CCNT2: variants seen among roughly 807,000 people sequenced by gnomAD.
The protein encoded by CCNT2 is cyclin-T2.
In CCNT2, 18 loss-of-function variants were observed where a neutral mutation model predicts 70.0. The observed-to-expected ratio is 0.26, with a 90% CI of 0.18 to 0.38. The LOEUF (loss-of-function observed/expected upper bound fraction) is 0.38. CCNT2 is among the 10% of genes least tolerant of loss of function. The pLI is 1.00. For synonymous variants in CCNT2, 334 were observed against 313.3 expected, an observed-to-expected ratio of 1.07 and a Z score of -0.70; for missense variants, 734 against 890.2, an observed-to-expected ratio of 0.82 and a Z score of 2.23.
chr2:134,928,525 G>A (rs1419935107), intron 2 of CCNT2, among the ~76,000 whole-genome samples: 1 of 151,888 alleles, frequency 6.6e-6, no homozygotes, highest in South Asian at 2.1e-4. Flanking sequence ...TGATCCGCCC[G>A]CCTCAGCCTC....
chr2:134,954,431 A>G lies in CCNT2; in HGVS notation c.1976A>G (p.Asn659Ser), dbSNP rs1488140455. 2 of 1,613,606 alleles carry G rather than the reference A, an allele frequency of 1.2e-6. No individual in the cohort carries two copies. Residue 659 changes from asparagine to serine, a missense_variant, in exon 9 of 9, where the codon AAC becomes AGC. Asn to Ser is a conservative substitution (Grantham distance 46, BLOSUM62 1). Transcript: ENST00000264157. ...GTTAAGCAGTATATATCCTCTCACA[A>G]CTCTGTTTTTAACCATCCCTTACCC... The part of the protein sequence containing the change: ...SSVKQYISSH[N>S]SVFNHPLPPP...
At chr2:134,926,572 C>G (rs1345889916) in intron 2 of CCNT2, among the ~76,000 whole-genome samples, 1 of 152,178 alleles carries the variant, frequency 6.6e-6, no homozygotes, top group Non-Finnish European at 1.5e-5. Flanking sequence ...ACTTATTGGA[C>G]TGGCAAAACT....
At chr2:134,920,141 A>G in intron 2 of CCNT2, 1 of 352,288 alleles carries the variant, frequency 2.8e-6, no homozygotes. Flanking sequence ...ATTTCTTTAC[A>G]GAGTTATTAC....
chr2:134,942,360 A>AATCCCGAATCATTT (rs1238081868), intron 4 of CCNT2, among the ~76,000 whole-genome samples: 1 of 152,164 alleles, frequency 6.6e-6, no homozygotes, highest in Non-Finnish European at 1.5e-5. Context: ...TTTTTAAGAT[A>AATCCCGAATCATTT]ATCCCGAATC....
intron 2 of CCNT2, among the ~76,000 whole-genome samples, chr2:134,934,082 T>A (rs1332951777): frequency 6.6e-6 from 1 of 152,256 alleles, no homozygotes; most frequent in East Asian, 1.9e-4. Context: ...AAATATCTAT[T>A]TGTCTCATTT....
At position 134,954,625 on chromosome 2, in the gene CCNT2, A is replaced by G; in HGVS notation, c.2170A>G (p.Ser724Gly). 2 of 1,606,774 alleles carry G rather than the reference A, an allele frequency of 1.2e-6. No homozygotes were observed. Reference sequence around the variant, plus strand: ...ATTCGACATGCTGGACTCACTGTTAAGTGCCCAAGGAATGAACATGTAATA... The same window carrying G: ...ATTCGACATGCTGGACTCACTGTTAGGTGCCCAAGGAATGAACATGTAATA... Reference protein sequence around the residue: ...DTFDMLDSLLSAQGMNM With the variant: ...DTFDMLDSLLGAQGMNM The change falls in exon 9 of 9, where the codon AGT becomes GGT. Residue 724 changes from serine (S) to glycine (G), a missense_variant. Ser to Gly is a moderately conservative substitution (Grantham distance 56). This residue lies in a region of CCNT2 where 532 missense variants were observed against 556.9 expected (regional missense o/e 0.96). Transcript: ENST00000264157.
intron 2 of CCNT2, among the ~76,000 whole-genome samples, chr2:134,920,657 G>A (rs1323073368): frequency 6.6e-6 from 1 of 152,112 alleles, no homozygotes; most frequent in Non-Finnish European, 1.5e-5. Context: ...ATTGCATATT[G>A]TTTAGAAATG....
rs1224480886 is a variant in CCNT2, at chr2:134,957,093, A to G, written c.*2445A>G. On this transcript the variant is annotated 3_prime_UTR_variant, in exon 9 of 9. Coordinates refer to ENST00000264157, the MANE Select transcript of CCNT2 (RefSeq NM_058241.3). ...GCTTCCAAAATAATGATGGGGATAA[A>G]TATGGAAATCCTTTTTAAGTTGTAT... is the stretch of plus-strand genomic sequence containing the variant. The G allele has an allele frequency of 6.6e-6, 1 of 152,582 alleles. No homozygotes were observed. Among genetic ancestry groups the G allele is most frequent in the African/African-American group, 2.4e-5 (1 of 41,468 alleles). 9.5% of individuals were successfully genotyped at this position (152,582 alleles called of 1,614,324 possible). A position where few individuals can be genotyped will look rare whatever the true frequency, so the allele number is the denominator to read the frequency against.
intron 7 of CCNT2, among the ~76,000 whole-genome samples, chr2:134,950,812 G>A (rs1351598339): frequency 6.6e-6 from 1 of 152,136 alleles, no homozygotes; most frequent in African/African-American, 2.4e-5. Context: ...TGATTTTTGT[G>A]CATATAGCTA....
At chr2:134,932,288 A>G (rs537949466) in intron 2 of CCNT2, among the ~76,000 whole-genome samples, 106 of 152,324 alleles carry the variant, frequency 7.0e-4, no homozygotes, top group African/African-American at 2.2e-3. Flanking sequence ...GGCATGAGCC[A>G]CCACGCTCGG....
In CCNT2 at chr2:134,954,714, C is replaced by T. The variant is rs1559119487; in HGVS notation, c.*66C>T. On this transcript the variant is annotated 3_prime_UTR_variant, in exon 9 of 9. Coordinates refer to ENST00000264157, the MANE Select transcript of CCNT2 (RefSeq NM_058241.3). ...AAAAATTGTTAGAATGGAAAAATTC[C>T]TTCTGATCTAGCAGTGGTAACCCCT... The T allele has an allele frequency of 9.2e-7, 1 of 1,088,670 alleles. No individual in the cohort carries two copies. The highest frequency in any genetic ancestry group is 1.4e-5 in the South Asian group (1 of 70,116). The allele number at this position is 1,088,670 out of a possible 1,614,324, so 67.4% of individuals were successfully genotyped here. A position where few individuals can be genotyped will look rare whatever the true frequency, so the allele number is the denominator to read the frequency against.
Position 134,953,814 on chromosome 2 carries a change from G to A in CCNT2, c.1359G>A (p.Arg453=), listed in dbSNP as rs895595989. 6.2e-7 allele frequency: 1 copy of A among 1,613,548 alleles called. No homozygotes were observed. Among genetic ancestry groups the A allele is most frequent in the Non-Finnish European group, 8.5e-7 (1 of 1,179,552 alleles). ...RKLETLDLDV[R]DHYIAAQVEQ... The stretch of plus-strand genomic sequence containing the variant: ...TAGAAACTCTTGATCTCGATGTAAG[G>A]GATCATTATATAGCTGCCCAGGTAG... Residue 453 remains arginine (R), a synonymous_variant, in exon 9 of 9, where the codon AGG becomes AGA. Transcript: ENST00000264157.
chr2:134,929,522 C>G (rs1011733398), intron 2 of CCNT2, among the ~76,000 whole-genome samples: 1 of 150,652 alleles, frequency 6.6e-6, no homozygotes, highest in South Asian at 2.1e-4. Context: ...GCAGGAAAAT[C>G]GCTTGAGCCC....
Position 134,953,275 on chromosome 2 carries a change from G to C in CCNT2, c.820G>C (p.Glu274Gln). 6.2e-7 allele frequency: 1 copy of C among 1,614,000 alleles called. No individual in the cohort carries two copies. The highest frequency in any genetic ancestry group is 8.5e-7 in the Non-Finnish European group (1 of 1,179,906). Residue 274 changes from glutamate (E) to glutamine (Q), a missense_variant, in exon 9 of 9, where the codon GAG becomes CAG. Glu to Gln is a conservative substitution (Grantham distance 29). This residue lies in a region of CCNT2 where 532 missense variants were observed against 556.9 expected (regional missense o/e 0.96). Transcript: ENST00000264157. Reference sequence around the variant, plus strand: ...ACCAAAAGTAGATGGACAGGTATCAGAGACACCACTTCTTGGTTCATCTTT... The same window carrying C: ...ACCAAAAGTAGATGGACAGGTATCACAGACACCACTTCTTGGTTCATCTTT... ...RKPKVDGQVS[E>Q]TPLLGSSLVQ...
chr2:134,951,088 G>T (rs1421724740), intron 7 of CCNT2, among the ~76,000 whole-genome samples: 1 of 150,846 alleles, frequency 6.6e-6, no homozygotes, highest in Non-Finnish European at 1.5e-5. Flanking sequence ...CTGGGCATTA[G>T]GGTTTTTTTC....
intron 2 of CCNT2, among the ~76,000 whole-genome samples, chr2:134,932,740 A>C (rs972743985): frequency 2.6e-5 from 4 of 152,238 alleles, no homozygotes; most frequent in African/African-American, 7.2e-5. Flanking sequence ...TTTTGGTTTG[A>C]TAGGCTCACA....
intron 5 of CCNT2, chr2:134,944,552 AT>A: frequency 2.1e-6 from 2 of 971,010 alleles, no homozygotes; most frequent in Non-Finnish European, 2.4e-6. Context: ...CTTTTAAAAC[AT>A]TTACAAAAAC....
At chr2:134,950,589 A>G (rs1041310704) in intron 7 of CCNT2, among the ~76,000 whole-genome samples, 3 of 152,178 alleles carry the variant, frequency 2.0e-5, no homozygotes, top group Non-Finnish European at 4.4e-5. Context: ...GTGAGCTGTG[A>G]TAATGCTACT....
At chr2:134,922,441 A>C (rs1228226160) in intron 2 of CCNT2, among the ~76,000 whole-genome samples, 1 of 152,234 alleles carries the variant, frequency 6.6e-6, no homozygotes, top group Non-Finnish European at 1.5e-5. Context: ...GAATAAAATC[A>C]GTATCAGCAT....
Sources: allele counts gnomAD v4.1 joint callset (sites outside exome capture counted in the v4.1 genomes callset), GRCh38; gene constraint gnomAD v4.1.1; regional missense constraint gnomAD v4.1.1; transcripts MANE v1.5; gene names NCBI Gene and HGNC (gene_info 2026-07-23, HGNC 2026-07-21).